Variants in ZNF85 observed in about 807,000 individuals in gnomAD.
The protein encoded by ZNF85 is zinc finger protein 85.
A neutral mutation model predicts 53.9 loss-of-function variants in ZNF85; 50 were observed. The observed-to-expected ratio is 0.93, with a 90% CI of 0.74 to 1.17. The LOEUF is 1.17. Ranked by LOEUF, ZNF85 falls within the 50% of genes most tolerant of loss-of-function variation. ZNF85 has a pLI of 0.00. For missense variants in ZNF85, 747 were observed against 688.5 expected, an observed-to-expected ratio of 1.08 and a Z score of -0.95; for synonymous variants, 225 against 226.1, an observed-to-expected ratio of 1.00 and a Z score of 0.04.
intron 3 of ZNF85, among the ~76,000 whole-genome samples, chr19:20,947,915 T>A (rs1203613677): frequency 2.0e-5 from 3 of 152,092 alleles, no homozygotes; most frequent in African/African-American, 7.2e-5. Context: ...AATTTGTATA[T>A]CTTTATTTTT....
intron 1 of ZNF85, among the ~76,000 whole-genome samples, chr19:20,925,301 A>AC (rs967298850): frequency 1.3e-5 from 2 of 152,050 alleles, no homozygotes; most frequent in African/African-American, 4.8e-5. Flanking sequence ...TACTAAAAAT[A>AC]CAAAAATTAG....
intron 3 of ZNF85, chr19:20,937,447 G>T: frequency 4.6e-6 from 2 of 437,960 alleles, no homozygotes; most frequent in Non-Finnish European, 9.2e-6. Flanking sequence ...TCAGAAGGCT[G>T]CTGGGTCTGC....
Position 20,949,525 on chromosome 19 carries a change from T to C in ZNF85, c.1011T>C (p.Thr337=), listed in dbSNP as rs1482293297. The C allele has an allele frequency of 1.2e-6, 2 of 1,613,172 alleles. No homozygotes were observed. Among genetic ancestry groups the C allele is most frequent in the African/African-American group, 2.7e-5 (2 of 74,840 alleles). ...TTACTACACATAAGATAATTCATAC[T>C]GGAGAGAAACCCTACAAATGTAAAA... ...SNLTTHKIIH[T]GEKPYKCKKC... is the part of the protein sequence containing the mutation. The change falls in exon 4 of 4, where the codon ACT becomes ACC. Residue 337 remains threonine, a synonymous_variant. Coordinates refer to ENST00000328178, the MANE Select transcript of ZNF85 (RefSeq NM_003429.5).
At chr19:20,932,796 A>C (rs2081049) in intron 1 of ZNF85, among the ~76,000 whole-genome samples, 56,949 of 151,946 alleles carry the variant, frequency 0.37, 11,407 homozygotes, top group East Asian at 0.45. Context: ...TGAACTTTGC[A>C]TAAAACTGAT....
chr19:20,948,256 A>G (rs1156283466), intron 3 of ZNF85, among the ~76,000 whole-genome samples: 4 of 152,100 alleles, frequency 2.6e-5, no homozygotes, highest in Non-Finnish European at 4.4e-5. Context: ...TTGCTGCTGT[A>G]GCATTTACCT....
chr19:20,941,076 C>A (rs12162257), intron 3 of ZNF85, among the ~76,000 whole-genome samples: 1 of 152,054 alleles, frequency 6.6e-6, no homozygotes, highest in Non-Finnish European at 1.5e-5. Context: ...ACATTTATAA[C>A]ATTTTAAAAT....
chr19:20,937,466 C>A (rs1255707553), intron 3 of ZNF85: 5 of 394,170 alleles, frequency 1.3e-5, no homozygotes, highest in South Asian at 5.6e-5. Context: ...GCACTAGGGT[C>A]CGCCTTTAGT....
At chr19:20,944,118 GATA>G (rs1273490157) in intron 3 of ZNF85, 1 of 178,490 alleles carries the variant, frequency 5.6e-6, no homozygotes, top group Non-Finnish European at 1.1e-5. Flanking sequence ...CCATTATTTT[GATA>G]ATAAATAATT....
intron 1 of ZNF85, among the ~76,000 whole-genome samples, chr19:20,931,022 G>C (rs1291493176): frequency 6.6e-6 from 1 of 152,148 alleles, no homozygotes; most frequent in Non-Finnish European, 1.5e-5. Flanking sequence ...TGATCCACCT[G>C]CCTCGGCCTC....
chr19:20,933,919 G>A, intron 1 of ZNF85, 105 bp from the exon 2 acceptor site: 2 of 1,250,478 alleles, frequency 1.6e-6, no homozygotes, highest in Non-Finnish European at 2.1e-6. Flanking sequence ...TTCACCTTGA[G>A]TAAAATTAAA....
At chr19:20,929,161 G>T (rs1238984614) in intron 1 of ZNF85, among the ~76,000 whole-genome samples, 1 of 150,460 alleles carries the variant, frequency 6.6e-6, no homozygotes, top group Non-Finnish European at 1.5e-5. Flanking sequence ...ACAGTGACAG[G>T]ATTCACTAGA....
intron 3 of ZNF85, among the ~76,000 whole-genome samples, chr19:20,938,846 CTA>C (rs145129271): frequency 7.0e-6 from 1 of 142,864 alleles, no homozygotes; most frequent in Non-Finnish European, 1.5e-5. Flanking sequence ...CCATATTCTG[CTA>C]TATGTGTGTG....
chr19:20,930,765 G>T (rs1207344394), intron 1 of ZNF85, among the ~76,000 whole-genome samples: 2 of 152,082 alleles, frequency 1.3e-5, no homozygotes, highest in East Asian at 3.9e-4. Context: ...CTTAAGGATG[G>T]AGATGGATTT....
Position 20,949,646 on chromosome 19 carries a change from G to C in ZNF85, c.1132G>C (p.Ala378Pro), listed in dbSNP as rs1973523218. Residue 378 changes from alanine (A) to proline (P), a missense_variant, in exon 4 of 4, where the codon GCC becomes CCC. Transcript: ENST00000328178. Reference protein sequence around the residue: ...KPYKCEKCGKAFNHFSHLTTH... With the variant: ...KPYKCEKCGKPFNHFSHLTTH... ...CTACAAATGTGAAAAATGTGGAAAA[G>C]CCTTTAATCATTTCTCACACCTTAC... 6.2e-7 allele frequency: 1 copy of C among 1,612,988 alleles called. No individual in the cohort carries two copies. Among genetic ancestry groups the C allele is most frequent in the African/African-American group, 1.3e-5 (1 of 74,774 alleles).
At chr19:20,934,241 G>A in intron 2 of ZNF85, 91 bp downstream of exon 2, 1 of 1,495,306 alleles carries the variant, frequency 6.7e-7, no homozygotes, top group Admixed American at 2.2e-5. Context: ...AGTGTGCTTT[G>A]CATAAATTAG....
intron 3 of ZNF85, chr19:20,936,593 C>T (rs1203420152): frequency 6.5e-6 from 1 of 153,862 alleles, no homozygotes; most frequent in African/African-American, 2.4e-5. Context: ...TGGCTAGCAA[C>T]TTAGAACTTT....
chr19:20,932,339 T>G (rs189478897), intron 1 of ZNF85, among the ~76,000 whole-genome samples: 5 of 152,272 alleles, frequency 3.3e-5, no homozygotes, highest in Middle Eastern at 3.4e-3. Context: ...CTAAAGAGTT[T>G]AACTACTTGT....
At chr19:20,939,963 C>G (rs1197995676) in intron 3 of ZNF85, among the ~76,000 whole-genome samples, 1 of 152,146 alleles carries the variant, frequency 6.6e-6, no homozygotes, top group Non-Finnish European at 1.5e-5. Context: ...TCCCAAAGTG[C>G]TGGGATTACA....
At chr19:20,947,768 T>G (rs1973458492) in intron 3 of ZNF85, among the ~76,000 whole-genome samples, 1 of 151,670 alleles carries the variant, frequency 6.6e-6, no homozygotes, top group African/African-American at 2.4e-5. Flanking sequence ...TATTAAAATT[T>G]TTTTGTATTT....
Sources: gnomAD v4.1 joint callset for allele counts (sites outside exome capture counted in the v4.1 genomes callset) on GRCh38, gnomAD v4.1.1 for gene constraint, MANE v1.5 for transcripts, NCBI Gene and HGNC (gene_info 2026-07-23, HGNC 2026-07-21) for gene names.